Variants in FAM53A observed in about 807,000 individuals in gnomAD.
The protein encoded by FAM53A is family with sequence similarity 53 member A.
In FAM53A, 28 loss-of-function variants were observed where a neutral mutation model predicts 26.6. The observed-to-expected ratio is 1.05, with a 90% CI of 0.78 to 1.45. The LOEUF (loss-of-function observed/expected upper bound fraction) is 1.45. Ranked by LOEUF, FAM53A falls within the 40% of genes most tolerant of loss-of-function variation. FAM53A has a pLI of 0.00. For missense variants in FAM53A, 650 were observed against 575.8 expected, an observed-to-expected ratio of 1.13 and a Z score of -1.32; for synonymous variants, 290 against 253.1, an observed-to-expected ratio of 1.15 and a Z score of -1.38.
chr4:1,612,177 T>G, the FAM53A span, among the ~76,000 whole-genome samples: 1 of 152,204 alleles, frequency 6.6e-6, no homozygotes, highest in African/African-American at 2.4e-5. Context: ...AGATTTCCTC[T>G]GCAATGGGCC....
At chr4:1,596,295 A>AT in the FAM53A span, among the ~76,000 whole-genome samples, 8 of 152,188 alleles carry the variant, frequency 5.3e-5, no homozygotes, top group Non-Finnish European at 1.2e-4. Context: ...TGCTGTCCGG[A>AT]TTTTTTATTA....
At chr4:1,577,214 G>A in the FAM53A span, among the ~76,000 whole-genome samples, 1 of 152,204 alleles carries the variant, frequency 6.6e-6, no homozygotes, top group Non-Finnish European at 1.5e-5. Flanking sequence ...ACTGCAGGAG[G>A]GGAGCACACA....
At chr4:1,682,331 T>C (rs948360988) in intron 1 of FAM53A, among the ~76,000 whole-genome samples, 13 of 151,206 alleles carry the variant, frequency 8.6e-5, no homozygotes, top group African/African-American at 2.9e-4. Context: ...GGCGCCATCT[T>C]GGCTCACTGC....
intron 4 of FAM53A, among the ~76,000 whole-genome samples, chr4:1,650,241 C>A (rs1337525400): frequency 2.8e-4 from 28 of 100,916 alleles, no homozygotes; most frequent in African/African-American, 1.1e-3. Context: ...ACAGGCGTGG[C>A]GTTTGACTGT....
Position 1,640,904 on chromosome 4 carries a change from G to T in FAM53A, c.*389C>A. On this transcript the variant is annotated 3_prime_UTR_variant, in exon 5 of 5. Coordinates refer to ENST00000308132, the MANE Select transcript of FAM53A (RefSeq NM_001174070.3). ...GGGGCAGGTGCAGGCAGCAGCCATG[G>T]CCCCGACCAGCTCACAGGAAACCTA... 1 of 415,706 alleles carries T rather than the reference G, an allele frequency of 2.4e-6. No homozygotes were observed. The highest frequency in any genetic ancestry group is 3.5e-5 in the Admixed American group (1 of 28,682). The allele number at this position is 415,706 out of a possible 1,614,324, so 25.8% of individuals were successfully genotyped here. A position where few individuals can be genotyped will look rare whatever the true frequency, so the allele number is the denominator to read the frequency against.
At chr4:1,606,788 C>T in the FAM53A span, among the ~76,000 whole-genome samples, 45 of 152,224 alleles carry the variant, frequency 3.0e-4, no homozygotes, top group Non-Finnish European at 4.3e-4. Context: ...CCCTAGCTGT[C>T]GGGGAAAGCG....
rs574102929 is a variant in FAM53A at position 1,621,101 on chromosome 4, C to CTTTTTTTTTTTTTT, written c.432-3004_432-2991dup. Among the ~76,000 whole-genome samples the CTTTTTTTTTTTTTT allele has an allele frequency of 7.0e-4, 67 of 95,516 alleles. 8 individuals carry two copies. Among genetic ancestry groups the CTTTTTTTTTTTTTT allele is most frequent in the East Asian group, 2.5e-3 (8 of 3,160 alleles). The allele number at this position is 95,516 out of a possible 152,430, so 62.7% of individuals were successfully genotyped here. ...TTTCCTAGCTGAGTCAGCTACGCTA[C>CTTTTTTTTTTTTTT]TTTTTTTTTTTTTTTTTTTTTGAGA... On this transcript the variant is annotated intron_variant, in intron 1 of 1. Coordinates refer to the FAM53A transcript ENST00000489029.
chr4:1,587,731 C>T, the FAM53A span, among the ~76,000 whole-genome samples: 1 of 152,172 alleles, frequency 6.6e-6, no homozygotes, highest in Non-Finnish European at 1.5e-5. Flanking sequence ...TGACATCAAG[C>T]TGCCACAAAA....
intron 4 of FAM53A, among the ~76,000 whole-genome samples, chr4:1,647,056 C>T (rs879366332): frequency 2.0e-5 from 3 of 152,050 alleles, no homozygotes; most frequent in Non-Finnish European, 2.9e-5. Context: ...CAGTAAAAGC[C>T]GGGCATGGTG....
chr4:1,658,963 AC>A (rs1437934062), intron 2 of FAM53A, among the ~76,000 whole-genome samples: 1 of 152,228 alleles, frequency 6.6e-6, no homozygotes, highest in East Asian at 1.9e-4. Flanking sequence ...ACACCTCAGA[AC>A]CTCTCAGTTA....
chr4:1,594,844 T>TA, the FAM53A span, among the ~76,000 whole-genome samples: 207 of 151,588 alleles, frequency 1.4e-3, no homozygotes, highest in African/African-American at 4.2e-3. Context: ...CCCTGTCTCT[T>TA]AAAAAAAAAT....
downstream of FAM53A, among the ~76,000 whole-genome samples, chr4:1,636,918 G>A (rs943522911): frequency 1.3e-5 from 2 of 152,122 alleles, no homozygotes; most frequent in African/African-American, 4.8e-5. Flanking sequence ...CTGGAACAGC[G>A]AAGGTGCCCC....
At chr4:1,646,672 C>T (rs1410522863) in intron 4 of FAM53A, among the ~76,000 whole-genome samples, 2 of 152,160 alleles carry the variant, frequency 1.3e-5, no homozygotes, top group African/African-American at 2.4e-5. Flanking sequence ...AAAAACGCAG[C>T]GGGCCTGAAG....
At position 1,644,166 on chromosome 4, in the gene FAM53A, G is replaced by A. The variant is rs1350764242; in HGVS notation, c.883-2559C>T. On this transcript the variant is annotated intron_variant, in intron 4 of 4. Coordinates refer to ENST00000308132, the MANE Select transcript of FAM53A (RefSeq NM_001174070.3). ...CACCAGGCTGCACTACACACGCACC[G>A]GGGTGGCGGGGACGCTACGCACCTT... is the stretch of plus-strand genomic sequence containing the variant. 48 of 1,533,540 alleles carry A rather than the reference G, an allele frequency of 3.1e-5. 1 individual carries two copies. The highest frequency in any genetic ancestry group is 6.0e-5 in the South Asian group (5 of 84,004). The allele number at this position is 1,533,540 out of a possible 1,614,324, so 95.0% of individuals were successfully genotyped here.
At chr4:1,635,847 T>C (rs1281875128), downstream of FAM53A, among the ~76,000 whole-genome samples, 3 of 139,216 alleles carry the variant, frequency 2.2e-5, no homozygotes, top group African/African-American at 8.1e-5. Context: ...TTTTTTTTTT[T>C]TTTTTTTTTT....
At chr4:1,684,319 G>A (rs1220428219), upstream of FAM53A, 4 of 150,166 alleles carry the variant, frequency 2.7e-5, no homozygotes, top group African/African-American at 7.3e-5. Context: ...CAGCCGCGGC[G>A]GAACAAAACC....
chr4:1,594,430 G>A, the FAM53A span, among the ~76,000 whole-genome samples: 237 of 152,272 alleles, frequency 1.6e-3, no homozygotes, highest in East Asian at 0.037. Context: ...ACTGCCCCCC[G>A]GGGTATACAA....
At chr4:1,681,918 A>T (rs917929834) in intron 1 of FAM53A, among the ~76,000 whole-genome samples, 1 of 152,198 alleles carries the variant, frequency 6.6e-6, no homozygotes, top group Non-Finnish European at 1.5e-5. Flanking sequence ...TTTCATTGTG[A>T]GGTAAAGAAC....
intron 1 of FAM53A, among the ~76,000 whole-genome samples, chr4:1,677,537 T>G (rs1350940270): frequency 6.6e-6 from 1 of 152,204 alleles, no homozygotes; most frequent in African/African-American, 2.4e-5. Flanking sequence ...TTTAAATTAC[T>G]TTTTCTGGTC....
Sources: allele counts gnomAD v4.1 joint callset (sites outside exome capture counted in the v4.1 genomes callset), GRCh38; gene constraint gnomAD v4.1.1; transcripts MANE v1.5; gene names NCBI Gene and HGNC (gene_info 2026-07-23, HGNC 2026-07-21).